ARFGEF2: variants seen among roughly 807,000 people sequenced by gnomAD.
ARFGEF2 encodes ARF guanine nucleotide exchange factor 2, also known as brefeldin A-inhibited guanine nucleotide-exchange protein 2.
ARFGEF2 carries 74 observed loss-of-function variants against 219.9 expected under a neutral mutation model. That is an observed-to-expected ratio of 0.34 (90% CI 0.28 to 0.41). The LOEUF is 0.41. Ranked by LOEUF, ARFGEF2 falls within the 10% of genes least tolerant of loss-of-function variation. The pLI is 1.00. For missense variants in ARFGEF2, 1,743 were observed against 2,218.3 expected, an observed-to-expected ratio of 0.79 and a Z score of 4.30; for synonymous variants, 733 against 799.2, an observed-to-expected ratio of 0.92 and a Z score of 1.40.
At chr20:48,983,790 C>G (rs1370743657) in intron 14 of ARFGEF2, among the ~76,000 whole-genome samples, 1 of 152,186 alleles carries the variant, frequency 6.6e-6, no homozygotes, top group African/African-American at 2.4e-5. Context: ...AAGTTCTGCC[C>G]TTGCCCCTAT....
chr20:49,008,203 TAAAC>T (rs1362313156), intron 26 of ARFGEF2, among the ~76,000 whole-genome samples: 2 of 152,194 alleles, frequency 1.3e-5, no homozygotes, highest in Non-Finnish European at 2.9e-5. Flanking sequence ...ACTATCTAAA[TAAAC>T]AAGTGTTAAA....
At chr20:48,926,549 C>T (rs1028795756) in intron 1 of ARFGEF2, among the ~76,000 whole-genome samples, 1 of 151,882 alleles carries the variant, frequency 6.6e-6, no homozygotes, top group Non-Finnish European at 1.5e-5. Context: ...ACCTCTCCAT[C>T]CCTGGCTCAG....
intron 10 of ARFGEF2, among the ~76,000 whole-genome samples, chr20:48,971,628 G>A (rs974327208): frequency 6.6e-6 from 1 of 151,832 alleles, no homozygotes; most frequent in East Asian, 1.9e-4. Context: ...CAGCCTGGGC[G>A]CCATGGCTCA....
chr20:48,970,454 C>A (rs1476290667), intron 9 of ARFGEF2, among the ~76,000 whole-genome samples: 2 of 149,566 alleles, frequency 1.3e-5, no homozygotes, highest in Non-Finnish European at 3.0e-5. Flanking sequence ...ACTAAAAATA[C>A]AAAAAATTAG....
intron 27 of ARFGEF2, among the ~76,000 whole-genome samples, chr20:49,011,155 C>T (rs895280372): frequency 1.5e-4 from 23 of 152,130 alleles, no homozygotes; most frequent in African/African-American, 5.1e-4. Flanking sequence ...GCTATATTGG[C>T]TGTGAGTTCG....
intron 25 of ARFGEF2, 31 bp from the exon 26 acceptor site, chr20:49,005,039 C>G: frequency 6.2e-7 from 1 of 1,613,962 alleles, no homozygotes; most frequent in Non-Finnish European, 8.5e-7. Flanking sequence ...TACACTATAC[C>G]TGTTTCACAT....
Position 49,035,954 on chromosome 20 carries a change from CACA to C in ARFGEF2, c.*2759_*2761del. 5.2e-6 allele frequency: 2 copies of C among 385,504 alleles called. No individual in the cohort carries two copies. Among genetic ancestry groups the C allele is most frequent in the Admixed American group, 9.0e-5 (2 of 22,244 alleles). 23.9% of individuals were successfully genotyped at this position (385,504 alleles called of 1,614,324 possible). A position where few individuals can be genotyped will look rare whatever the true frequency, so the allele number is the denominator to read the frequency against. On this transcript the variant is annotated 3_prime_UTR_variant, in exon 39 of 39. Transcript: ENST00000371917. ...AAAATTGTATTATAATATCTGGAAA[CACA>C]ACATTTTCCTCTGGCAGGTGACTTT...
At chr20:48,988,900 A>G (rs779519999) in intron 18 of ARFGEF2, among the ~76,000 whole-genome samples, 3 of 152,242 alleles carry the variant, frequency 2.0e-5, no homozygotes, top group Non-Finnish European at 4.4e-5. Flanking sequence ...ATTACTCCCA[A>G]AAAGTGTTCT....
intron 37 of ARFGEF2, 84 bp from the exon 38 acceptor site, chr20:49,031,965 A>G (rs1275598639): frequency 1.6e-5 from 16 of 1,014,878 alleles, no homozygotes; most frequent in Admixed American, 3.7e-5. Context: ...AATTTTAAAA[A>G]TAGCACAAGA....
At chr20:49,028,298 A>G (rs1183196574) in intron 36 of ARFGEF2, among the ~76,000 whole-genome samples, 3 of 151,792 alleles carry the variant, frequency 2.0e-5, no homozygotes, top group South Asian at 2.1e-4. Context: ...GCACACATCT[A>G]TGTTCCTGGC....
chr20:49,029,673 G>T (rs3091862), intron 37 of ARFGEF2, among the ~76,000 whole-genome samples: 1 of 151,262 alleles, frequency 6.6e-6, no homozygotes, highest in Non-Finnish European at 1.5e-5. Context: ...CTCACTGCAA[G>T]GTCCACTTCC....
chr20:49,012,224 T>C (rs2091504159), intron 28 of ARFGEF2, 140 bp downstream of exon 28: 1 of 1,127,464 alleles, frequency 8.9e-7, no homozygotes, highest in Non-Finnish European at 1.3e-6. Context: ...TATTTCAAAA[T>C]GCTGCCATGA....
At position 49,034,560 on chromosome 20, in the gene ARFGEF2, G is replaced by A. The variant is rs1732241625; in HGVS notation, c.*1361G>A. 1 of 152,334 alleles carries A rather than the reference G, an allele frequency of 6.6e-6. No individual in the cohort carries two copies. The highest frequency in any genetic ancestry group is 2.4e-5 in the African/African-American group (1 of 41,576). 9.4% of individuals were successfully genotyped at this position (152,334 alleles called of 1,614,324 possible). ...TGCCCTCACCCACTGCTCACCTAGA[G>A]CATCGCTGAGCGTTAGACAAAGTGT... On this transcript the variant is annotated 3_prime_UTR_variant, in exon 39 of 39. Transcript: ENST00000371917.
intron 9 of ARFGEF2, 120 bp from the exon 10 acceptor site, chr20:48,971,000 T>C (rs1400135549): frequency 1.2e-6 from 1 of 829,744 alleles, no homozygotes; most frequent in Non-Finnish European, 2.0e-6. Context: ...TCCTGACATT[T>C]AGGTGCTATT....
At chr20:48,960,124 A>G (rs1019239069) in intron 6 of ARFGEF2, among the ~76,000 whole-genome samples, 3 of 152,236 alleles carry the variant, frequency 2.0e-5, no homozygotes, top group Non-Finnish European at 2.9e-5. Context: ...ATACTTACAC[A>G]AACCTAGATG....
intron 1 of ARFGEF2, among the ~76,000 whole-genome samples, chr20:48,926,250 A>G (rs2090876201): frequency 6.6e-6 from 1 of 152,244 alleles, no homozygotes; most frequent in Admixed American, 6.5e-5. Flanking sequence ...AACAATCAGT[A>G]TACCGCAGTG....
chr20:49,008,494 T>A (rs943818712), intron 26 of ARFGEF2, among the ~76,000 whole-genome samples: 3 of 150,886 alleles, frequency 2.0e-5, no homozygotes, highest in African/African-American at 4.9e-5. Flanking sequence ...ACCTGGGAGG[T>A]GGAGGTTGCA....
chr20:48,942,564 A>G lies in ARFGEF2; in HGVS notation c.276+577A>G, dbSNP rs553524274. On this transcript the variant is annotated intron_variant, in intron 3 of 38. Coordinates refer to ENST00000371917, the MANE Select transcript of ARFGEF2 (RefSeq NM_006420.3). ...CAATGGCGCGACCTCAGCTCACTGC[A>G]ACGTCTGCTTCTCGGGTTCAAGGGA... 7.0e-5 allele frequency among the ~76,000 whole-genome samples: 10 copies of G among 142,382 alleles called. No homozygotes were observed. The East Asian group carries it at 2.1e-3, about 29-fold the overall frequency. 93.4% of individuals were successfully genotyped at this position (142,382 alleles called of 152,430 possible).
intron 14 of ARFGEF2, among the ~76,000 whole-genome samples, chr20:48,980,681 A>G (rs1439403101): frequency 3.3e-5 from 5 of 152,152 alleles, no homozygotes; most frequent in African/African-American, 7.2e-5. Flanking sequence ...TTGGGTGCAT[A>G]TATATTTAGG....
Sources: gnomAD v4.1 joint callset for allele counts (sites outside exome capture counted in the v4.1 genomes callset) on GRCh38, gnomAD v4.1.1 for gene constraint, MANE v1.5 for transcripts, NCBI Gene and HGNC (gene_info 2026-07-23, HGNC 2026-07-21) for gene names.